Variants in DCP1B observed in about 807,000 individuals in gnomAD.
The protein encoded by DCP1B is decapping mRNA 1B, also known as mRNA-decapping enzyme 1B.
Under a neutral mutation model 60.5 loss-of-function variants are expected in DCP1B, and 47 were observed. The observed-to-expected ratio is 0.78, with a 90% confidence interval of 0.61 to 0.99. The LOEUF (loss-of-function observed/expected upper bound fraction) is 0.99. Ranked by LOEUF, DCP1B falls within the 50% of genes least tolerant of loss-of-function variation. The probability of loss-of-function intolerance (pLI) is 0.00; values close to 1 mark genes in which losing one functional copy is unlikely to be tolerated. For synonymous variants in DCP1B, 267 were observed against 280.3 expected, an observed-to-expected ratio of 0.95 and a Z score of 0.47; for missense variants, 725 against 756.8, an observed-to-expected ratio of 0.96 and a Z score of 0.49.
chr12:1,983,264 A>C (rs982992525), intron 3 of DCP1B, among the ~76,000 whole-genome samples: 1 of 147,486 alleles, frequency 6.8e-6, no homozygotes, highest in African/African-American at 2.5e-5. Flanking sequence ...TCTTCTTTTT[A>C]TTTCTTTCCT....
Position 1,952,598 on chromosome 12 carries a change from A to C in DCP1B, c.1342T>G (p.Ser448Ala). The C allele has an allele frequency of 6.2e-7, 1 of 1,614,042 alleles. No homozygotes were observed. The highest frequency in any genetic ancestry group is 8.5e-7 in the Non-Finnish European group (1 of 1,179,974). The change falls in exon 7 of 9, where the codon TCC becomes GCC. Residue 448 changes from serine to alanine, a missense_variant. Transcript: ENST00000280665. ...AGCTTCTTCAGTAACTCTTGAGGGG[A>C]GATCACTCCAGAGCTGCCAGTCTGA... ...GSQTGSSGVI[S>A]PQELLKKLQI...
chr12:1,999,213 A>G (rs1182632675), intron 1 of DCP1B, among the ~76,000 whole-genome samples: 2 of 152,208 alleles, frequency 1.3e-5, no homozygotes, highest in East Asian at 1.9e-4. Context: ...ATTCTGATGT[A>G]TGCTAGTTTG....
rs758703576 is a variant in DCP1B at position 1,952,707 on chromosome 12, G to A, written c.1233C>T (p.Ser411=). ...GATGTCCTACTGTCTGAGGTGGAAG[G>A]GAGCCATTGAAATAGGCCTGTGGTG... ...AQPPQAYFNG[S]LPPQTVGHQA... The change falls in exon 7 of 9, where the codon TCC becomes TCT. Residue 411 remains serine (S), a synonymous_variant. Transcript: ENST00000280665. 11 of 1,614,028 alleles carry A rather than the reference G, an allele frequency of 6.8e-6. No individual in the cohort carries two copies. The East Asian group carries it at 8.9e-5, about 13-fold the overall frequency.
At chr12:1,949,521 C>G (rs902141928) in intron 7 of DCP1B, among the ~76,000 whole-genome samples, 187 bp from the exon 8 acceptor site, 1 of 152,192 alleles carries the variant, frequency 6.6e-6, no homozygotes, top group Non-Finnish European at 1.5e-5. Flanking sequence ...CTGAGCAGCT[C>G]TGGTATCGTC....
chr12:1,963,429 G>A (rs990278330), intron 5 of DCP1B, among the ~76,000 whole-genome samples: 3 of 152,212 alleles, frequency 2.0e-5, no homozygotes, highest in African/African-American at 4.8e-5. Context: ...CAGGATAAAA[G>A]CTTATTTCAT....
intron 1 of DCP1B, among the ~76,000 whole-genome samples, chr12:2,002,914 A>C (rs182439945): frequency 1.3e-5 from 2 of 152,256 alleles, no homozygotes; most frequent in Admixed American, 1.3e-4. Flanking sequence ...CAAACAAACA[A>C]AAACAAACAA....
intron 2 of DCP1B, among the ~76,000 whole-genome samples, chr12:1,996,693 T>C (rs573611609): frequency 2.2e-5 from 3 of 139,342 alleles, no homozygotes; most frequent in South Asian, 2.4e-4. Flanking sequence ...AGTTTACGAA[T>C]TTCTGTCAGG....
At chr12:1,953,405 G>A in intron 6 of DCP1B, 117 bp from the exon 7 acceptor site, 2 of 1,182,840 alleles carry the variant, frequency 1.7e-6, no homozygotes, top group East Asian at 2.6e-5. Flanking sequence ...TGATTAGAGA[G>A]AATGAAAAAT....
intron 3 of DCP1B, among the ~76,000 whole-genome samples, chr12:1,989,330 C>A (rs950980516): frequency 1.9e-4 from 29 of 152,168 alleles, no homozygotes; most frequent in African/African-American, 7.0e-4. Flanking sequence ...AGAGCAAGAA[C>A]TTGTCTCTAA....
chr12:1,984,367 CT>C (rs2037036421), intron 3 of DCP1B, among the ~76,000 whole-genome samples: 1 of 151,946 alleles, frequency 6.6e-6, no homozygotes, highest in African/African-American at 2.4e-5. Flanking sequence ...TATTTTATCT[CT>C]TGGTGATATC....
intron 3 of DCP1B, among the ~76,000 whole-genome samples, chr12:1,979,658 C>G (rs186094122): frequency 6.6e-6 from 1 of 152,186 alleles, no homozygotes; most frequent in Non-Finnish European, 1.5e-5. Context: ...TTGGATCATA[C>G]GCTAGTTATA....
rs35252166 is a variant in DCP1B, at chr12:1,955,468, A to G, written c.615T>C (p.Ser205=). 0.035 allele frequency: 55,716 copies of G among 1,611,452 alleles called. 1,193 individuals carry two copies. The highest frequency in any genetic ancestry group is 0.074 in the Middle Eastern group (451 of 6,058). ...GAGGTATACGCTGTTGCTGGTTTTCACTGGGTTTCACTGGAATTGGTTTGA... is the reference window on the plus strand; with the variant it reads ...GAGGTATACGCTGTTGCTGGTTTTCGCTGGGTTTCACTGGAATTGGTTTGA... The part of the protein sequence containing the change: ...NLIKPIPVKP[S]ENQQQRIPQP... The change falls in exon 6 of 9, where the codon AGT becomes AGC. Residue 205 remains serine (S), a synonymous_variant. Coordinates refer to ENST00000280665, the MANE Select transcript of DCP1B (RefSeq NM_152640.5).
intron 3 of DCP1B, among the ~76,000 whole-genome samples, chr12:1,986,193 G>A (rs141477391): frequency 2.0e-5 from 3 of 152,316 alleles, no homozygotes; most frequent in East Asian, 3.9e-4. Context: ...TATATTGTAA[G>A]TTAATTCTCA....
At chr12:1,954,817 T>C (rs1592781682) in intron 6 of DCP1B, among the ~76,000 whole-genome samples, 1 of 152,238 alleles carries the variant, frequency 6.6e-6, no homozygotes, top group African/African-American at 2.4e-5. Flanking sequence ...ATGGGTAATG[T>C]TTCTGTCATC....
At chr12:1,986,049 G>A (rs1461622006) in intron 3 of DCP1B, among the ~76,000 whole-genome samples, 6 of 152,170 alleles carry the variant, frequency 3.9e-5, no homozygotes, top group Admixed American at 1.3e-4. Flanking sequence ...TCCTGACCTC[G>A]TGATCTGCCC....
At chr12:1,990,085 A>C (rs1227772242) in intron 3 of DCP1B, among the ~76,000 whole-genome samples, 1 of 152,220 alleles carries the variant, frequency 6.6e-6, no homozygotes, top group Non-Finnish European at 1.5e-5. Context: ...TGGGTCTCGA[A>C]GTTAAGGTTT....
At chr12:1,991,331 G>A (rs1435901696) in intron 3 of DCP1B, 3 of 425,112 alleles carry the variant, frequency 7.1e-6, no homozygotes, top group South Asian at 1.7e-5. Context: ...TATAAAATAC[G>A]GAAACATAAA....
Position 1,948,308 on chromosome 12 carries a change from C to T in DCP1B, c.1773+778G>A, listed in dbSNP as rs1391869909. On this transcript the variant is annotated intron_variant, in intron 8 of 8. Transcript: ENST00000280665. The surrounding 1 kb of genome is among the most constrained non-coding windows in gnomAD (Gnocchi z 4.8). ...CCACGGGAGAGTACGTGGGAAGTGG[C>T]ACTCGGGGGCCAGGCTGGGTGCATC... Among the ~76,000 whole-genome samples the T allele has an allele frequency of 6.6e-6, 1 of 152,190 alleles. No individual in the cohort carries two copies. Among genetic ancestry groups the T allele is most frequent in the Non-Finnish European group, 1.5e-5 (1 of 68,036 alleles).
intron 3 of DCP1B, among the ~76,000 whole-genome samples, chr12:1,984,226 C>T (rs368333266): frequency 2.6e-5 from 4 of 152,026 alleles, no homozygotes; most frequent in East Asian, 1.9e-4. Context: ...TTACATGTAA[C>T]GTAACTACCG....
Sources: gnomAD v4.1 joint callset for allele counts (sites outside exome capture counted in the v4.1 genomes callset) on GRCh38, gnomAD v4.1.1 for gene constraint, Gnocchi (gnomAD v3.1) non-coding constraint, MANE v1.5 for transcripts, NCBI Gene and HGNC (gene_info 2026-07-23, HGNC 2026-07-21) for gene names.